The following STXBP6 variants were observed in gnomAD, a reference collection of about 807,000 sequenced individuals.
STXBP6 encodes the protein syntaxin-binding protein 6.
In STXBP6, 21 loss-of-function variants were observed where a neutral mutation model predicts 26.9. That is an observed-to-expected ratio of 0.78 (90% CI 0.55 to 1.12). STXBP6 has a LOEUF of 1.12. Ranked by LOEUF, STXBP6 falls within the 50% of genes most tolerant of loss-of-function variation. The pLI, the probability that STXBP6 is intolerant of heterozygous loss-of-function variation, is 0.00. For synonymous variants in STXBP6, 97 were observed against 92.6 expected, an observed-to-expected ratio of 1.05 and a Z score of -0.27; for missense variants, 232 against 257.9, an observed-to-expected ratio of 0.90 and a Z score of 0.69.
chr14:24,939,272 G>A (rs933730031), intron 2 of STXBP6, among the ~76,000 whole-genome samples: 15 of 152,098 alleles, frequency 9.9e-5, no homozygotes, highest in Non-Finnish European at 1.8e-4. Context: ...ACATAATTGC[G>A]GATCTTGGTG....
chr14:24,975,008 G>T (rs1291047969), intron 1 of STXBP6, among the ~76,000 whole-genome samples, 158 bp from the exon 2 acceptor site: 1 of 152,046 alleles, frequency 6.6e-6, no homozygotes, highest in Non-Finnish European at 1.5e-5. Flanking sequence ...TAAAAGCAAG[G>T]TCTTCATATT....
intron 2 of STXBP6, chr14:24,878,564 T>A (rs1595026049): frequency 6.3e-6 from 1 of 159,606 alleles, no homozygotes; most frequent in East Asian, 1.8e-4. Context: ...TTCAGAGAGC[T>A]GATCCAGTAC....
chr14:24,957,995 G>A (rs937650653), intron 2 of STXBP6, among the ~76,000 whole-genome samples: 3 of 152,170 alleles, frequency 2.0e-5, no homozygotes, highest in African/African-American at 7.2e-5. Flanking sequence ...AGGAAAGAGT[G>A]ATGCAACTTC....
intron 4 of STXBP6, among the ~76,000 whole-genome samples, chr14:24,837,677 GA>G (rs1304387075): frequency 6.6e-6 from 1 of 152,174 alleles, no homozygotes; most frequent in Admixed American, 6.5e-5. Context: ...CAAAGGCTAG[GA>G]CAGAATTAAT....
At chr14:24,896,760 A>T (rs1566454470) in intron 2 of STXBP6, among the ~76,000 whole-genome samples, 1 of 152,182 alleles carries the variant, frequency 6.6e-6, no homozygotes, top group Non-Finnish European at 1.5e-5. Flanking sequence ...TTAACAGCAG[A>T]AAAAAAGCTG....
At chr14:24,905,886 G>T (rs1284356338) in intron 2 of STXBP6, among the ~76,000 whole-genome samples, 1 of 152,092 alleles carries the variant, frequency 6.6e-6, no homozygotes, top group African/African-American at 2.4e-5. Context: ...ACAGAATATG[G>T]TGTCAAGATA....
intron 2 of STXBP6, among the ~76,000 whole-genome samples, chr14:24,859,578 C>T (rs953489556): frequency 4.6e-5 from 7 of 151,988 alleles, no homozygotes; most frequent in East Asian, 3.9e-4. Context: ...ATAAAAAATA[C>T]GCCAGTCACA....
intron 1 of STXBP6, among the ~76,000 whole-genome samples, chr14:25,018,123 T>C (rs1342071005): frequency 6.6e-6 from 1 of 152,138 alleles, no homozygotes; most frequent in Non-Finnish European, 1.5e-5. Flanking sequence ...CTATCACCAT[T>C]GTGTTGTACT....
intron 2 of STXBP6, among the ~76,000 whole-genome samples, chr14:24,908,801 G>A (rs533994117): frequency 2.0e-5 from 3 of 152,220 alleles, no homozygotes; most frequent in South Asian, 4.1e-4. Flanking sequence ...TCAGAGGCTC[G>A]GCTGAGCTGC....
chr14:24,893,296 T>C (rs554278294), intron 2 of STXBP6, among the ~76,000 whole-genome samples: 1 of 152,346 alleles, frequency 6.6e-6, no homozygotes, highest in Non-Finnish European at 1.5e-5. Flanking sequence ...GTATTCTGCA[T>C]ATATTAACTT....
intron 2 of STXBP6, among the ~76,000 whole-genome samples, chr14:24,886,433 T>G (rs2070591609): frequency 6.6e-6 from 1 of 152,186 alleles, no homozygotes; most frequent in Non-Finnish European, 1.5e-5. Context: ...TAAATGATAA[T>G]GCATCTAATG....
At chr14:24,947,738 C>CA (rs1305906728) in intron 2 of STXBP6, among the ~76,000 whole-genome samples, 1 of 151,972 alleles carries the variant, frequency 6.6e-6, no homozygotes, top group South Asian at 2.1e-4. Flanking sequence ...AGTTTAATGA[C>CA]AAAAAAAGCC....
At chr14:24,908,869 C>A (rs1205308356) in intron 2 of STXBP6, among the ~76,000 whole-genome samples, 1 of 152,118 alleles carries the variant, frequency 6.6e-6, no homozygotes, top group Non-Finnish European at 1.5e-5. Context: ...CAGGCAAACC[C>A]CATCACCCAC....
At chr14:24,973,053 G>A (rs77757127) in intron 2 of STXBP6, among the ~76,000 whole-genome samples, 18,086 of 152,112 alleles carry the variant, frequency 0.12, 1,160 homozygotes, top group African/African-American at 0.14. Context: ...AGGAGGTCAA[G>A]GCTACAGTGA....
chr14:24,883,568 C>T (rs1695631156), intron 2 of STXBP6, among the ~76,000 whole-genome samples: 1 of 152,124 alleles, frequency 6.6e-6, no homozygotes, highest in Admixed American at 6.5e-5. Flanking sequence ...TATTAAATCT[C>T]CAACTATCTA....
At position 24,976,437 on chromosome 14, in the gene STXBP6, G is replaced by T. The variant is rs147470037; in HGVS notation, c.-32-1587C>A. 3.2e-3 allele frequency among the ~76,000 whole-genome samples: 493 copies of T among 152,306 alleles called. 1 individual carries two copies. The highest frequency in any genetic ancestry group is 0.01 in the African/African-American group (432 of 41,568). ...TACATACACAAAGAATATGTATCTA[G>T]ATATCCTAGAAATTATAGATCTAAT... is the stretch of plus-strand genomic sequence containing the variant. On this transcript the variant is annotated intron_variant, in intron 1 of 5. Transcript: ENST00000323944.
At chr14:25,017,115 C>A (rs1002386812) in intron 1 of STXBP6, among the ~76,000 whole-genome samples, 1 of 152,026 alleles carries the variant, frequency 6.6e-6, no homozygotes, top group African/African-American at 2.4e-5. Context: ...TAAGCACAAG[C>A]GTGTGTAATA....
chr14:25,042,523 G>C (rs2075659810), intron 1 of STXBP6, among the ~76,000 whole-genome samples: 3 of 152,168 alleles, frequency 2.0e-5, no homozygotes, highest in African/African-American at 7.2e-5. Flanking sequence ...TACCTGCTCG[G>C]TCTTACTCTG....
At chr14:25,025,084 T>C (rs1259938628) in intron 1 of STXBP6, among the ~76,000 whole-genome samples, 2 of 152,154 alleles carry the variant, frequency 1.3e-5, no homozygotes, top group Non-Finnish European at 2.9e-5. Flanking sequence ...CCAACATTCA[T>C]TAAAAAGAAA....
Sources: allele counts gnomAD v4.1 joint callset (sites outside exome capture counted in the v4.1 genomes callset), GRCh38; gene constraint gnomAD v4.1.1; transcripts MANE v1.5; gene names NCBI Gene and HGNC (gene_info 2026-07-23, HGNC 2026-07-21).